Variants in CACNA1C observed in about 807,000 individuals in gnomAD.
CACNA1C encodes calcium voltage-gated channel subunit alpha1 C.
In CACNA1C, 30 loss-of-function variants were observed where a neutral mutation model predicts 229.0. That is an observed-to-expected ratio of 0.13 (90% CI 0.10 to 0.18). The LOEUF (loss-of-function observed/expected upper bound fraction) is 0.18. CACNA1C is among the 10% of genes least tolerant of loss of function. The pLI is 1.00. For missense variants in CACNA1C, 1,658 were observed against 2,845.0 expected (o/e 0.58, Z 9.49); for synonymous variants, 1,114 against 1,132.5 (o/e 0.98, Z 0.33).
At position 2,566,851 on chromosome 12, in the gene CACNA1C, G is replaced by A. The variant is rs2051231180; in HGVS notation, c.1669+269G>A. Among the ~76,000 whole-genome samples, 1 of 152,228 alleles carries A rather than the reference G, an allele frequency of 6.6e-6. No individual in the cohort carries two copies. Among genetic ancestry groups the A allele is most frequent in the African/African-American group, 2.4e-5 (1 of 41,450 alleles). On this transcript the variant is annotated intron_variant, in intron 12 of 46. Coordinates refer to ENST00000399655, the MANE Select transcript of CACNA1C (RefSeq NM_000719.7). The surrounding 1 kb of genome is among the most constrained non-coding windows in gnomAD (Gnocchi z 4.0). ...GTCACTGTTGGACCCAGGTGATGAG[G>A]AAAGGGGCTGCAGCTTGTTTGCCTA...
chr12:2,224,331 T>C (rs982098078), intron 3 of CACNA1C, among the ~76,000 whole-genome samples: 65 of 152,260 alleles, frequency 4.3e-4, no homozygotes, highest in African/African-American at 1.5e-3. Context: ...GTCACACATC[T>C]GTATCTTCAT....
At chr12:2,438,833 G>A (rs1216370958) in intron 3 of CACNA1C, among the ~76,000 whole-genome samples, 1 of 152,094 alleles carries the variant, frequency 6.6e-6, no homozygotes, top group African/African-American at 2.4e-5. Flanking sequence ...GGGTGAGGCA[G>A]AAAGACAGGA....
rs2087167174 is a variant in CACNA1C, at chr12:2,275,153, T to A, written c.477+154723T>A. ...TTTTGTTTTCTGATTTATTTTGATC[T>A]GCTTGAAAATTAGTTGTGGCAGTGT... On this transcript the variant is annotated intron_variant, in intron 3 of 46. Coordinates refer to ENST00000399655, the MANE Select transcript of CACNA1C (RefSeq NM_000719.7). This position sits in a 1 kb window ranked among gnomAD's most constrained non-coding sequence, Gnocchi z 4.1. Among the ~76,000 whole-genome samples, 1 of 152,254 alleles carries A rather than the reference T, an allele frequency of 6.6e-6. No individual in the cohort carries two copies. The highest frequency in any genetic ancestry group is 6.5e-5 in the Admixed American group (1 of 15,290).
intron 1 of CACNA1C, among the ~76,000 whole-genome samples, chr12:2,006,300 C>T (rs985685962): frequency 6.6e-6 from 1 of 151,954 alleles, no homozygotes; most frequent in South Asian, 2.1e-4. Flanking sequence ...CCCGGATACT[C>T]GGGAGGCTGA....
At chr12:2,429,928 A>G (rs781678908) in intron 3 of CACNA1C, among the ~76,000 whole-genome samples, 2 of 152,220 alleles carry the variant, frequency 1.3e-5, no homozygotes, top group Non-Finnish European at 2.9e-5. Context: ...CGCCTTAGTC[A>G]GTTCAGGCTG....
intron 3 of CACNA1C, among the ~76,000 whole-genome samples, chr12:2,257,617 C>T (rs1233031167): frequency 6.6e-6 from 1 of 152,204 alleles, no homozygotes. Flanking sequence ...CAGCCTGGTT[C>T]CTAACAGGCC....
In CACNA1C at chr12:2,667,537, AAAC is replaced by A. The variant is rs201629283; in HGVS notation, c.4623+770_4623+772del. 3.7e-3 allele frequency among the ~76,000 whole-genome samples: 563 copies of A among 152,268 alleles called. 3 individuals carry two copies. Among genetic ancestry groups the A allele is most frequent in the African/African-American group, 0.013 (520 of 41,552 alleles). On this transcript the variant is annotated intron_variant, in intron 37 of 46. Transcript: ENST00000399655. ...CCTCCACTTTGCTCCAAAAACAAAC[AAAC>A]AACAACAACAACAAAAACAGATTTT...
chr12:2,434,927 A>G (rs1261723718), intron 3 of CACNA1C, among the ~76,000 whole-genome samples: 1 of 152,184 alleles, frequency 6.6e-6, no homozygotes, highest in Non-Finnish European at 1.5e-5. Context: ...ATTTCCTAAA[A>G]CATAGCTTGG....
chr12:2,390,749 G>T (rs1261467030), intron 3 of CACNA1C, among the ~76,000 whole-genome samples: 2 of 152,218 alleles, frequency 1.3e-5, no homozygotes, highest in Non-Finnish European at 2.9e-5. Flanking sequence ...GTAAAAGAGA[G>T]AGCAAGAGCT....
intron 1 of CACNA1C, among the ~76,000 whole-genome samples, chr12:2,097,752 A>G (rs893066243): frequency 6.6e-6 from 1 of 152,104 alleles, no homozygotes; most frequent in Non-Finnish European, 1.5e-5. Flanking sequence ...AGCATAGCTG[A>G]GTGTGCTCTC....
intron 3 of CACNA1C, among the ~76,000 whole-genome samples, chr12:2,153,291 A>T (rs11611442): frequency 0.013 from 2,041 of 152,232 alleles, 33 homozygotes; most frequent in South Asian, 0.038. Context: ...TCCAATTTAG[A>T]ATGGAGGCTA....
At chr12:2,407,097 G>A (rs997593553) in intron 3 of CACNA1C, among the ~76,000 whole-genome samples, 3 of 152,242 alleles carry the variant, frequency 2.0e-5, no homozygotes, top group African/African-American at 7.2e-5. Context: ...GCAGAGGGGA[G>A]CCTCGTTACT....
chr12:2,405,493 T>C (rs988176096), intron 3 of CACNA1C, among the ~76,000 whole-genome samples: 1 of 152,252 alleles, frequency 6.6e-6, no homozygotes, highest in Non-Finnish European at 1.5e-5. Flanking sequence ...TCAAGAATGT[T>C]ATATAAATGG....
rs774769399 is a variant in CACNA1C, at chr12:2,353,982, A to T, written c.478-94994A>T. The stretch of plus-strand genomic sequence containing the variant: ...CGCTAGTCATGTTTGGGTGTGATTA[A>T]TCTGGCCACTGTGTTCACACAGGTT... On this transcript the variant is annotated intron_variant, in intron 3 of 46. Coordinates refer to ENST00000399655, the MANE Select transcript of CACNA1C (RefSeq NM_000719.7). Among the ~76,000 whole-genome samples, 36 of 152,256 alleles carry T rather than the reference A, an allele frequency of 2.4e-4. 1 individual carries two copies. The highest frequency in any genetic ancestry group is 8.3e-4 in the South Asian group (4 of 4,830).
intron 3 of CACNA1C, among the ~76,000 whole-genome samples, chr12:2,412,987 C>A (rs769375355): frequency 6.6e-6 from 1 of 152,206 alleles, no homozygotes; most frequent in Non-Finnish European, 1.5e-5. Flanking sequence ...AAGATACTCT[C>A]ATAAAATAAG....
intron 1 of CACNA1C, among the ~76,000 whole-genome samples, chr12:2,107,077 G>T (rs1347332710): frequency 8.8e-6 from 1 of 113,670 alleles, no homozygotes; most frequent in African/African-American, 3.2e-5. Context: ...GCTCACCCCA[G>T]GGAGGGTTTC....
At chr12:2,350,776 G>A (rs562925597) in intron 3 of CACNA1C, among the ~76,000 whole-genome samples, 3 of 152,250 alleles carry the variant, frequency 2.0e-5, no homozygotes, top group South Asian at 2.1e-4. Context: ...GCCCCCTTTC[G>A]CAGGCACCTC....
At chr12:2,577,227 T>G (rs559438820) in intron 13 of CACNA1C, among the ~76,000 whole-genome samples, 1 of 152,388 alleles carries the variant, frequency 6.6e-6, no homozygotes, top group African/African-American at 2.4e-5. Flanking sequence ...TTAACTGTGT[T>G]ACTGGTCCCC....
Position 2,029,267 on chromosome 12 carries a change from A to G in CACNA1C, c.139+58066A>G, listed in dbSNP as rs531025482. Among the ~76,000 whole-genome samples, 196 of 152,302 alleles carry G rather than the reference A, an allele frequency of 1.3e-3. 1 individual carries two copies. Among genetic ancestry groups the G allele is most frequent in the African/African-American group, 4.6e-3 (190 of 41,542 alleles). On this transcript the variant is annotated intron_variant, in intron 1 of 46. Transcript: ENST00000682462. The surrounding 1 kb of genome is among the most constrained non-coding windows in gnomAD (Gnocchi z 4.9). ...GCCAATATGTTGATGCTGCATTTAT[A>G]AATTTTTAAAAATTGAGGTGTGATT...
Sources: gnomAD v4.1 joint callset for allele counts (sites outside exome capture counted in the v4.1 genomes callset) on GRCh38, gnomAD v4.1.1 for gene constraint, Gnocchi (gnomAD v3.1) non-coding constraint, MANE v1.5 for transcripts, NCBI Gene and HGNC (gene_info 2026-07-23, HGNC 2026-07-21) for gene names.